The following UGGT2 variants were observed in gnomAD, a reference collection of about 807,000 sequenced individuals.
The protein encoded by UGGT2 is UDP-glucose glycoprotein glucosyltransferase 2.
In UGGT2, 180 loss-of-function variants were observed where a neutral mutation model predicts 192.1. The observed-to-expected ratio is 0.94, with a 90% CI of 0.83 to 1.06. The LOEUF (loss-of-function observed/expected upper bound fraction) is 1.06. Among genes scored for constraint, UGGT2 ranks in the 50% least tolerant of loss-of-function variants. The pLI, the probability that UGGT2 is intolerant of heterozygous loss-of-function variation, is 0.00. For missense variants in UGGT2, 1,849 were observed against 1,795.7 expected, an observed-to-expected ratio of 1.03 and a Z score of -0.54; for synonymous variants, 580 against 591.0, an observed-to-expected ratio of 0.98 and a Z score of 0.27.
intron 38 of UGGT2, among the ~76,000 whole-genome samples, chr13:95,803,449 G>A (rs920181562): frequency 1.1e-4 from 16 of 151,898 alleles, no homozygotes; most frequent in Admixed American, 7.2e-4. Context: ...TAGTAGAGAC[G>A]GAGTTTCTCC....
At chr13:95,898,293 G>C (rs1164578443) in intron 22 of UGGT2, among the ~76,000 whole-genome samples, 1 of 152,074 alleles carries the variant, frequency 6.6e-6, no homozygotes, top group Non-Finnish European at 1.5e-5. Flanking sequence ...CTCATTCAGA[G>C]TAAAGTGGGA....
At chr13:95,896,865 T>C (rs2047961345) in intron 22 of UGGT2, among the ~76,000 whole-genome samples, 1 of 152,128 alleles carries the variant, frequency 6.6e-6, no homozygotes, top group African/African-American at 2.4e-5. Context: ...AATGTGATTT[T>C]TCAGTTACAT....
chr13:95,877,361 A>G lies in UGGT2; in HGVS notation c.3391T>C (p.Tyr1131His). 4 of 1,603,334 alleles carry G rather than the reference A, an allele frequency of 2.5e-6. No individual in the cohort carries two copies. The highest frequency in any genetic ancestry group is 3.4e-6 in the Non-Finnish European group (4 of 1,176,404). ...VDTIVMAHHG[Y>H]FQLKANPGAW... ...CCTGGGTTTGCTTTTAATTGAAAAT[A>G]CCCCTTTTAAGATGAGAAAAAAATA... The change falls in exon 29 of 39, where the codon TAT becomes CAT. Residue 1131 changes from tyrosine (Y) to histidine (H), a missense_variant. Coordinates refer to ENST00000376747, the MANE Select transcript of UGGT2 (RefSeq NM_020121.4).
chr13:96,046,140 A>G (rs1009664345), intron 1 of UGGT2, among the ~76,000 whole-genome samples: 1 of 152,250 alleles, frequency 6.6e-6, no homozygotes, highest in Non-Finnish European at 1.5e-5. Flanking sequence ...AAACAGGCAC[A>G]TAGACCAATG....
intron 36 of UGGT2, among the ~76,000 whole-genome samples, chr13:95,841,360 C>T (rs1331896828): frequency 1.3e-5 from 2 of 152,146 alleles, no homozygotes; most frequent in Admixed American, 6.5e-5. Context: ...GGCAGGGAAG[C>T]GCAGCTACTA....
At chr13:95,897,473 T>C (rs9561973) in intron 22 of UGGT2, among the ~76,000 whole-genome samples, 58,723 of 151,974 alleles carry the variant, frequency 0.39, 11,529 homozygotes, top group Middle Eastern at 0.42. Context: ...AGAAACTGTG[T>C]GATCATCATT....
chr13:95,827,128 GA>G (rs1014468476), intron 38 of UGGT2, among the ~76,000 whole-genome samples: 1 of 152,074 alleles, frequency 6.6e-6, no homozygotes. Context: ...CAATCCTCTA[GA>G]AAAAAACAGG....
chr13:96,032,730 TAGGCTTGGTAAACTTAAACTAATGCTTAA>T (rs1392653529), intron 1 of UGGT2, among the ~76,000 whole-genome samples: 1 of 152,214 alleles, frequency 6.6e-6, no homozygotes, highest in African/African-American at 2.4e-5. Context: ...CCTTTCTCTC[TAGGCTTGGTAAACTTAAACTAATGCTTAA>T]AATAAATGGA....
intron 9 of UGGT2, among the ~76,000 whole-genome samples, chr13:95,985,945 G>A (rs921446741): frequency 6.6e-6 from 1 of 152,028 alleles, no homozygotes; most frequent in Non-Finnish European, 1.5e-5. Context: ...ATATGATTTG[G>A]CAGTACTTTG....
At chr13:96,003,941 AGAAG>A (rs1392892731) in intron 5 of UGGT2, among the ~76,000 whole-genome samples, 11 of 152,352 alleles carry the variant, frequency 7.2e-5, no homozygotes, top group African/African-American at 9.6e-5. Context: ...GAGGAAAGAA[AGAAG>A]GAAGAGATGA....
In UGGT2 at chr13:95,895,241, A is replaced by G. The variant is rs754004418; in HGVS notation, c.2698T>C (p.Phe900Leu). The G allele has an allele frequency of 6.3e-7, 1 of 1,575,130 alleles. No homozygotes were observed. The highest frequency in any genetic ancestry group is 1.2e-5 in the South Asian group (1 of 85,180). Reference sequence around the variant, plus strand: ...TTAATTTTCTCTCCTAAATTACTAAATGTTATCTTTTCCAACAAGTAAAAA... The same window carrying G: ...TTAATTTTCTCTCCTAAATTACTAAGTGTTATCTTTTCCAACAAGTAAAAA... ...EDFYLLEKIT[F>L]SNLGEKIKGI... The change falls in exon 23 of 39, where the codon TTT (phenylalanine) becomes CTT (leucine). Residue 900 changes from phenylalanine (F) to leucine (L), a missense_variant. Transcript: ENST00000376747.
At chr13:95,959,748 C>G (rs983208701) in intron 12 of UGGT2, among the ~76,000 whole-genome samples, 1 of 152,160 alleles carries the variant, frequency 6.6e-6, no homozygotes, top group Non-Finnish European at 1.5e-5. Flanking sequence ...CTCAGGTGCT[C>G]AAGAACCTAC....
intron 10 of UGGT2, among the ~76,000 whole-genome samples, chr13:95,979,778 T>C (rs2051057508): frequency 4.0e-5 from 6 of 151,890 alleles, no homozygotes; most frequent in Admixed American, 3.9e-4. Context: ...ATCCAGAATC[T>C]ACACAGAACT....
intron 30 of UGGT2, 115 bp downstream of exon 30, chr13:95,867,224 T>G: frequency 1.1e-6 from 1 of 923,946 alleles, no homozygotes; most frequent in Non-Finnish European, 1.6e-6. Flanking sequence ...AAATATAACA[T>G]TTTAGGTTGT....
chr13:95,988,627 C>T (rs1179809876), intron 8 of UGGT2, among the ~76,000 whole-genome samples: 1 of 152,022 alleles, frequency 6.6e-6, no homozygotes, highest in African/African-American at 2.4e-5. Context: ...AATGATTTTT[C>T]TATTGATATA....
At chr13:95,862,188 T>C in intron 31 of UGGT2, among the ~76,000 whole-genome samples, 1 of 152,164 alleles carries the variant, frequency 6.6e-6, no homozygotes, top group Non-Finnish European at 1.5e-5. Context: ...TAACATGATT[T>C]TTCTTACCAA....
intron 26 of UGGT2, among the ~76,000 whole-genome samples, chr13:95,887,102 G>A (rs1414337499): frequency 6.6e-6 from 1 of 152,090 alleles, no homozygotes; most frequent in Non-Finnish European, 1.5e-5. Flanking sequence ...AACATCTATA[G>A]TATGTCAGTT....
intron 6 of UGGT2, among the ~76,000 whole-genome samples, chr13:95,998,747 A>G (rs1438898686): frequency 6.6e-6 from 1 of 152,176 alleles, no homozygotes; most frequent in Non-Finnish European, 1.5e-5. Flanking sequence ...TACTTCATCT[A>G]AACAATTCAT....
At chr13:95,890,405 C>A (rs942038210) in intron 25 of UGGT2, among the ~76,000 whole-genome samples, 1 of 152,130 alleles carries the variant, frequency 6.6e-6, no homozygotes, top group African/African-American at 2.4e-5. Context: ...GGAGAGAGCT[C>A]TCTTTCTAGT....
Sources: allele counts gnomAD v4.1 joint callset (sites outside exome capture counted in the v4.1 genomes callset), GRCh38; gene constraint gnomAD v4.1.1; transcripts MANE v1.5; gene names NCBI Gene and HGNC (gene_info 2026-07-23, HGNC 2026-07-21).